Variants in RPS3 observed in about 807,000 individuals in gnomAD.
RPS3 encodes the protein small ribosomal subunit protein uS3.
Under a neutral mutation model 25.8 loss-of-function variants are expected in RPS3, and 2 were observed. The ratio of observed to expected loss-of-function variants is 0.08; its 90% CI spans 0.03 to 0.24. The LOEUF is 0.24. Ranked by LOEUF, RPS3 falls within the 10% of genes least tolerant of loss-of-function variation. RPS3 has a pLI of 1.00. For missense variants in RPS3, 107 were observed against 307.1 expected (o/e 0.35, Z 4.87); for synonymous variants, 114 against 114.2 (o/e 1.00, Z 0.01).
At chr11:75,402,218 C>A in intron 3 of RPS3, 134 bp from the exon 4 acceptor site, 1 of 1,355,258 alleles carries the variant, frequency 7.4e-7, no homozygotes, top group African/African-American at 1.4e-5. Context: ...AAAGCCATCT[C>A]CTGGGCAGCA....
chr11:75,407,449 C>T (rs1389793913), downstream of RPS3, among the ~76,000 whole-genome samples: 1 of 151,392 alleles, frequency 6.6e-6, no homozygotes, highest in Non-Finnish European at 1.5e-5. Flanking sequence ...GTTGAACTTA[C>T]TTGAACATCC....
chr11:75,399,955 C>T, intron 1 of RPS3: 1 of 324,630 alleles, frequency 3.1e-6, no homozygotes, highest in Non-Finnish European at 5.8e-6. Context: ...CTTAACTGGT[C>T]GTTTCTGGGT....
chr11:75,403,580 A>G (rs559281394), intron 4 of RPS3: 1 of 153,738 alleles, frequency 6.5e-6, no homozygotes, highest in South Asian at 2.0e-4. Context: ...AGTGAATGAG[A>G]CTTCGGAGGT....
downstream of RPS3, among the ~76,000 whole-genome samples, chr11:75,408,766 G>C (rs1380906538): frequency 6.6e-6 from 1 of 152,104 alleles, no homozygotes; most frequent in Non-Finnish European, 1.5e-5. Context: ...GGCTGGTCTC[G>C]AACTCCTGAC....
intron 3 of RPS3, 92 bp from the exon 4 acceptor site, chr11:75,402,260 G>A: frequency 3.8e-6 from 6 of 1,581,864 alleles, no homozygotes; most frequent in Non-Finnish European, 5.2e-6. Context: ...GCTTGGTGTA[G>A]AAAGTGATAC....
chr11:75,421,824 G>A (rs534542089), exon 7 of RPS3: 1 of 152,362 alleles, frequency 6.6e-6, no homozygotes, highest in East Asian at 1.9e-4. Context: ...TCTGGGATGA[G>A]TGTGGGAAAG....
intron 2 of RPS3, 74 bp downstream of exon 2, chr11:75,400,898 T>C (rs547324227): frequency 6.6e-7 from 1 of 1,504,630 alleles, no homozygotes; most frequent in African/African-American, 1.4e-5. Flanking sequence ...TATTTATTTT[T>C]TTGAGACGGA....
intron 4 of RPS3, 196 bp downstream of exon 4, chr11:75,402,642 G>C (rs1199697053): frequency 2.0e-6 from 1 of 507,310 alleles, no homozygotes; most frequent in African/African-American, 1.9e-5. Context: ...GAACTGTAAA[G>C]GGTGGTCAGT....
chr11:75,421,931 T>C (rs1057465690), exon 7 of RPS3: 4 of 152,270 alleles, frequency 2.6e-5, no homozygotes, highest in Admixed American at 6.5e-5. Context: ...ACTGTTAATA[T>C]ATATAGTGTG....
At chr11:75,419,364 A>T (rs1473598610) in intron 6 of RPS3, among the ~76,000 whole-genome samples, 1 of 151,926 alleles carries the variant, frequency 6.6e-6, no homozygotes, top group Non-Finnish European at 1.5e-5. Context: ...GACTAGCCTG[A>T]CCAACATGGT....
At chr11:75,412,527 G>C (rs1246286861) in intron 6 of RPS3, among the ~76,000 whole-genome samples, 2 of 152,204 alleles carry the variant, frequency 1.3e-5, no homozygotes, top group African/African-American at 2.4e-5. Flanking sequence ...AAGGGGGCAA[G>C]AAGAGGCATT....
downstream of RPS3, among the ~76,000 whole-genome samples, chr11:75,410,626 G>A (rs1307368326): frequency 6.6e-6 from 1 of 152,252 alleles, no homozygotes; most frequent in Non-Finnish European, 1.5e-5. Context: ...ACTTTGGGAG[G>A]CCAAGGCAGG....
intron 6 of RPS3, among the ~76,000 whole-genome samples, chr11:75,421,539 C>T (rs1426162043): frequency 2.0e-5 from 3 of 152,216 alleles, no homozygotes; most frequent in Non-Finnish European, 4.4e-5. Flanking sequence ...GAGCCCCAGG[C>T]TTATAATGAC....
chr11:75,418,416 A>G (rs576661533), intron 6 of RPS3, among the ~76,000 whole-genome samples: 94 of 152,356 alleles, frequency 6.2e-4, no homozygotes, highest in African/African-American at 1.2e-3. Flanking sequence ...TTTATCCCCA[A>G]TGGAGAAAAA....
At chr11:75,419,362 T>C (rs548034086) in intron 6 of RPS3, among the ~76,000 whole-genome samples, 31 of 152,240 alleles carry the variant, frequency 2.0e-4, no homozygotes, top group African/African-American at 6.7e-4. Context: ...GAGACTAGCC[T>C]GACCAACATG....
Position 75,406,199 on chromosome 11 carries a change from A to G in RPS3, c.*589A>G, listed in dbSNP as rs1417791116. On this transcript the variant is annotated 3_prime_UTR_variant, in exon 7 of 7. Coordinates refer to ENST00000531188, the MANE Select transcript of RPS3 (RefSeq NM_001005.5). ...GATCATGGAACCAGTCATTGGTACTACAGGCTATTATGTTCTGGAGAACTG... is the reference window on the plus strand; with the variant it reads ...GATCATGGAACCAGTCATTGGTACTGCAGGCTATTATGTTCTGGAGAACTG... 1 of 152,304 alleles carries G rather than the reference A, an allele frequency of 6.6e-6. No homozygotes were observed. The allele number at this position is 152,304 out of a possible 1,614,324, so 9.4% of individuals were successfully genotyped here.
chr11:75,404,974 T>C lies in RPS3; in HGVS notation c.*3+106T>C. The C allele has an allele frequency of 1.3e-6, 1 of 758,728 alleles. No individual in the cohort carries two copies. The highest frequency in any genetic ancestry group is 2.0e-6 in the Non-Finnish European group (1 of 490,418). The allele number at this position is 758,728 out of a possible 1,614,324, so 47.0% of individuals were successfully genotyped here. On this transcript the variant is annotated intron_variant, in intron 6 of 6. Coordinates refer to ENST00000531188, the MANE Select transcript of RPS3 (RefSeq NM_001005.5). The surrounding 1 kb of genome is among the most constrained non-coding windows in gnomAD (Gnocchi z 4.6). ...CTGGTAAGCGTTTGGTGAATAAAAA[T>C]TTCATTTATTTGCTTTATGTGGGAG... is the stretch of plus-strand genomic sequence containing the variant.
chr11:75,401,760 G>T, intron 3 of RPS3, 27 bp downstream of exon 3: 3 of 1,238,328 alleles, frequency 2.4e-6, no homozygotes, highest in Non-Finnish European at 3.6e-6. Flanking sequence ...TATGCCAGAG[G>T]TAATGGCTCT....
Sources: gnomAD v4.1 joint callset for allele counts (sites outside exome capture counted in the v4.1 genomes callset) on GRCh38, gnomAD v4.1.1 for gene constraint, Gnocchi (gnomAD v3.1) non-coding constraint, MANE v1.5 for transcripts, NCBI Gene and HGNC (gene_info 2026-07-23, HGNC 2026-07-21) for gene names.